Variants in DNAH8 observed in about 807,000 individuals in gnomAD.
The protein encoded by DNAH8 is dynein axonemal heavy chain 8.
DNAH8 carries 382 observed loss-of-function variants against 562.1 expected under a neutral mutation model. The observed-to-expected ratio is 0.68, with a 90% CI of 0.63 to 0.74. DNAH8 has a LOEUF of 0.74. Among genes scored for constraint, DNAH8 ranks in the 30% least tolerant of loss-of-function variants. The probability of loss-of-function intolerance (pLI) is 0.00; values close to 1 mark genes in which losing one functional copy is unlikely to be tolerated. For missense variants in DNAH8, 5,203 were observed against 5,620.4 expected, an observed-to-expected ratio of 0.93 and a Z score of 2.37; for synonymous variants, 1,881 against 1,919.4, an observed-to-expected ratio of 0.98 and a Z score of 0.52.
At chr6:38,907,899 G>GA in intron 63 of DNAH8, 57 bp from the exon 64 acceptor site, 1 of 1,369,052 alleles carries the variant, frequency 7.3e-7, no homozygotes, top group Non-Finnish European at 9.6e-7. Flanking sequence ...CTTTGGCAGT[G>GA]AATTGACTGT....
At chr6:38,851,267 C>T (rs112936873) in intron 38 of DNAH8, among the ~76,000 whole-genome samples, 2,728 of 152,174 alleles carry the variant, frequency 0.018, 28 homozygotes, top group Non-Finnish European at 0.03. Flanking sequence ...GGTTTGTGCT[C>T]CCCCTGGGTT....
intron 82 of DNAH8, among the ~76,000 whole-genome samples, chr6:38,957,109 G>A (rs1032702196): frequency 1.3e-5 from 2 of 151,954 alleles, no homozygotes; most frequent in Non-Finnish European, 2.9e-5. Flanking sequence ...CTATGCAAAT[G>A]GGCACCATAA....
At chr6:38,878,511 G>GA (rs1418470238) in intron 53 of DNAH8, among the ~76,000 whole-genome samples, 2 of 151,482 alleles carry the variant, frequency 1.3e-5, no homozygotes, top group South Asian at 2.1e-4. Flanking sequence ...AACAGCAACA[G>GA]AAAAAAATCA....
chr6:39,012,403 T>G, intron 90 of DNAH8, 36 bp downstream of exon 90: 1 of 1,607,940 alleles, frequency 6.2e-7, no homozygotes, highest in Non-Finnish European at 8.5e-7. Context: ...ATTTCCTTCT[T>G]TGTTGATGTT....
At chr6:39,029,723 A>T (rs563403207) in intron 92 of DNAH8, among the ~76,000 whole-genome samples, 1 of 152,202 alleles carries the variant, frequency 6.6e-6, no homozygotes, top group East Asian at 1.9e-4. Flanking sequence ...GCAGGCTGAG[A>T]TCCCACCTGA....
intron 28 of DNAH8, among the ~76,000 whole-genome samples, chr6:38,825,814 C>T (rs1326497338): frequency 6.6e-6 from 1 of 152,012 alleles, no homozygotes; most frequent in Non-Finnish European, 1.5e-5. Context: ...TGGGATCTCT[C>T]GAGAAAAATG....
At chr6:38,864,584 AAG>A (rs1776897143) in intron 45 of DNAH8, among the ~76,000 whole-genome samples, 1 of 152,172 alleles carries the variant, frequency 6.6e-6, no homozygotes, top group East Asian at 1.9e-4. Flanking sequence ...GCAAAGGAAA[AAG>A]AGAACATGAA....
chr6:38,830,491 C>G (rs1282244849), intron 30 of DNAH8, among the ~76,000 whole-genome samples: 1 of 151,858 alleles, frequency 6.6e-6, no homozygotes, highest in Non-Finnish European at 1.5e-5. Context: ...AAAAATCAGC[C>G]AGGCATGGTG....
At chr6:38,897,925 T>A (rs1206968133) in intron 60 of DNAH8, among the ~76,000 whole-genome samples, 1 of 152,216 alleles carries the variant, frequency 6.6e-6, no homozygotes, top group East Asian at 1.9e-4. Context: ...AAAACCTTTT[T>A]ATATTTTTGA....
At chr6:38,750,679 C>T (rs1220233533) in intron 9 of DNAH8, 90 bp downstream of exon 9, 8 of 761,290 alleles carry the variant, frequency 1.1e-5, no homozygotes, top group South Asian at 8.3e-5. Context: ...GTGGAAGGAT[C>T]GCTTGAGCCC....
intron 3 of DNAH8, among the ~76,000 whole-genome samples, chr6:38,723,934 A>G (rs1480801001): frequency 1.3e-5 from 2 of 151,914 alleles, no homozygotes. Context: ...TTTAGTTTAT[A>G]TAATTATAGC....
At chr6:38,987,426 G>T (rs1764477731) in intron 87 of DNAH8, among the ~76,000 whole-genome samples, 2 of 152,124 alleles carry the variant, frequency 1.3e-5, no homozygotes, top group Admixed American at 1.3e-4. Context: ...CCTGGGATGT[G>T]CAGACTTCCT....
At chr6:38,810,076 G>C (rs145992163) in intron 24 of DNAH8, among the ~76,000 whole-genome samples, 2,489 of 152,046 alleles carry the variant, frequency 0.016, 28 homozygotes, top group Admixed American at 0.029. Context: ...TTCTGTCTTA[G>C]TGAGTTCAAT....
intron 33 of DNAH8, among the ~76,000 whole-genome samples, chr6:38,840,068 C>T (rs1324079787): frequency 1.3e-5 from 2 of 152,152 alleles, no homozygotes; most frequent in Non-Finnish European, 2.9e-5. Flanking sequence ...AAATGGGGAC[C>T]AGCACTGAAT....
At chr6:38,717,384 C>T (rs967016843) in intron 1 of DNAH8, among the ~76,000 whole-genome samples, 1 of 152,040 alleles carries the variant, frequency 6.6e-6, no homozygotes, top group South Asian at 2.1e-4. Flanking sequence ...AGTGCAGTGG[C>T]GCCATCTTGG....
chr6:38,737,315 T>G, intron 6 of DNAH8, 59 bp downstream of exon 6: 1 of 1,053,000 alleles, frequency 9.5e-7, no homozygotes, highest in Non-Finnish European at 1.3e-6. Flanking sequence ...AACTAAGATA[T>G]TTCATAAACA....
rs149015796 is a variant in DNAH8, at chr6:38,875,772, C to T, written c.7802C>T (p.Pro2601Leu). Residue 2601 changes from proline (P) to leucine (L), a missense_variant, in exon 53 of 93, where the codon CCA becomes CTA. By Grantham distance (98) the Pro-to-Leu change is moderately conservative. Coordinates refer to ENST00000327475, the MANE Select transcript of DNAH8 (RefSeq NM_001206927.2). ...LRQHESKLDL[P>L]EIPKGSNQTM... ...CAGCATGAAAGCAAGTTGGACTTAC[C>T]AGAAATACCTAAAGGCTCAAATCAA... 94 of 1,613,770 alleles carry T rather than the reference C, an allele frequency of 5.8e-5. No individual in the cohort carries two copies. The highest frequency in any genetic ancestry group is 7.6e-5 in the Non-Finnish European group (90 of 1,179,926).
rs115523768 is a variant in DNAH8 at position 38,940,509 on chromosome 6, G to A, written c.12007+1521G>A. Among the ~76,000 whole-genome samples the A allele has an allele frequency of 5.5e-3, 834 of 152,242 alleles. 7 individuals carry two copies. The highest frequency in any genetic ancestry group is 0.019 in the African/African-American group (779 of 41,554). ...AATTTCAGTGACTTAACACAACCAAGGTGTACTTCTCATTCATGTTACCTC... is the reference window on the plus strand; with the variant it reads ...AATTTCAGTGACTTAACACAACCAAAGTGTACTTCTCATTCATGTTACCTC... On this transcript the variant is annotated intron_variant, in intron 79 of 92. Transcript: ENST00000327475.
chr6:38,974,824 G>C (rs1224565266), intron 85 of DNAH8, among the ~76,000 whole-genome samples: 1 of 152,166 alleles, frequency 6.6e-6, no homozygotes, highest in South Asian at 2.1e-4. Context: ...GATTGTCAGA[G>C]CTCAATAAAT....
Sources: gnomAD v4.1 joint callset for allele counts (sites outside exome capture counted in the v4.1 genomes callset) on GRCh38, gnomAD v4.1.1 for gene constraint, MANE v1.5 for transcripts, NCBI Gene and HGNC (gene_info 2026-07-23, HGNC 2026-07-21) for gene names.